Variants in MTERF4 observed in about 807,000 individuals in gnomAD.
MTERF4 encodes mitochondrial transcription termination factor 4, also known as transcription termination factor 4, mitochondrial.
Under a neutral mutation model 22.5 loss-of-function variants are expected in MTERF4, and 17 were observed. That is an observed-to-expected ratio of 0.75 (90% CI 0.52 to 1.13). The LOEUF (loss-of-function observed/expected upper bound fraction) is 1.13. Among genes scored for constraint, MTERF4 ranks in the 50% most tolerant of loss-of-function variants. The probability of loss-of-function intolerance (pLI) is 0.00; values close to 1 mark genes in which losing one functional copy is unlikely to be tolerated. For synonymous variants in MTERF4, 165 were observed against 175.3 expected, an observed-to-expected ratio of 0.94 and a Z score of 0.47; for missense variants, 420 against 466.8, an observed-to-expected ratio of 0.90 and a Z score of 0.92.
chr2:241,070,322 C>T (rs1043022771), downstream of MTERF4: 35 of 1,081,316 alleles, frequency 3.2e-5, no homozygotes, highest in African/African-American at 2.7e-4. Context: ...GAAACAGGAC[C>T]GTGTTAGCAG....
the MTERF4 span, among the ~76,000 whole-genome samples, chr2:241,047,281 GAT>G: frequency 6.6e-6 from 1 of 151,862 alleles, no homozygotes; most frequent in Non-Finnish European, 1.5e-5. Flanking sequence ...CTTTTATAAC[GAT>G]AGAGGGGTCA....
downstream of MTERF4, among the ~76,000 whole-genome samples, chr2:241,083,385 A>G (rs573669553): frequency 2.8e-5 from 3 of 106,768 alleles, no homozygotes; most frequent in South Asian, 7.8e-4. Context: ...TTTGTCCGGC[A>G]TGAAATGGGG....
chr2:241,099,283 C>T, intron 2 of MTERF4, 113 bp downstream of exon 2: 2 of 1,203,758 alleles, frequency 1.7e-6, no homozygotes, highest in Non-Finnish European at 2.3e-6. Context: ...CCATGTTGGC[C>T]AGGCTGATCT....
chr2:241,074,711 G>A (rs1575078496), exon 5 of MTERF4: 1 of 152,328 alleles, frequency 6.6e-6, no homozygotes, highest in African/African-American at 2.4e-5. Context: ...GCCCCTCGAT[G>A]CGCAAAGCCA....
the MTERF4 span, among the ~76,000 whole-genome samples, chr2:241,055,253 G>A: frequency 2.0e-5 from 3 of 152,204 alleles, no homozygotes; most frequent in Non-Finnish European, 2.9e-5. Flanking sequence ...CAGAGTTCCA[G>A]ATGAACAGCA....
the MTERF4 span, among the ~76,000 whole-genome samples, chr2:241,062,005 G>A: frequency 6.6e-6 from 1 of 152,224 alleles, no homozygotes; most frequent in Non-Finnish European, 1.5e-5. Context: ...GTGACCTACA[G>A]TGTGGAGTTC....
At chr2:241,085,654 T>A (rs576531821), downstream of MTERF4, among the ~76,000 whole-genome samples, 1 of 152,236 alleles carries the variant, frequency 6.6e-6, no homozygotes, top group Non-Finnish European at 1.5e-5. Context: ...TATAGTTTTT[T>A]ATTGGATGCT....
chr2:241,052,853 C>T, the MTERF4 span, among the ~76,000 whole-genome samples: 347 of 78,710 alleles, frequency 4.4e-3, 6 homozygotes, highest in Non-Finnish European at 8.9e-3. Flanking sequence ...GTGAGATGGC[C>T]GGGGGGCCGA....
chr2:241,074,396 C>T (rs2062915760), exon 5 of MTERF4: 1 of 152,104 alleles, frequency 6.6e-6, no homozygotes, highest in Non-Finnish European at 1.5e-5. Context: ...TCTCTTAATT[C>T]AGGTGTGGCC....
downstream of MTERF4, among the ~76,000 whole-genome samples, chr2:241,082,870 C>T (rs1559311236): frequency 6.6e-6 from 1 of 152,252 alleles, no homozygotes; most frequent in Non-Finnish European, 1.5e-5. Flanking sequence ...CTGTCGGTCA[C>T]ACAGTCCATT....
At chr2:241,049,481 A>G in the MTERF4 span, among the ~76,000 whole-genome samples, 5 of 152,358 alleles carry the variant, frequency 3.3e-5, 1 homozygote, top group Admixed American at 1.3e-4. Context: ...TAGTGTATAG[A>G]TGAGATGGTT....
At position 241,073,709 on chromosome 2, in the gene MTERF4, C is replaced by G. The variant is rs2062865004; in HGVS notation, n.2453G>C. Reference sequence around the variant, plus strand: ...CAGCCCCTGCCTCTGGGCCCCTCACCCCTCACTTCTCCAAAGAGGAGCAGG... The same window carrying G: ...CAGCCCCTGCCTCTGGGCCCCTCACGCCTCACTTCTCCAAAGAGGAGCAGG... On this transcript the variant is annotated non_coding_transcript_exon_variant, in exon 5 of 5. Coordinates refer to the MTERF4 transcript ENST00000464344. The surrounding 1 kb of genome is among the most constrained non-coding windows in gnomAD (Gnocchi z 6.6). The G allele has an allele frequency of 4.5e-6, 2 of 446,410 alleles. No individual in the cohort carries two copies. The highest frequency in any genetic ancestry group is 7.9e-6 in the Non-Finnish European group (2 of 251,872). The allele number at this position is 446,410 out of a possible 1,614,324, so 27.7% of individuals were successfully genotyped here. A position where few individuals can be genotyped will look rare whatever the true frequency, so the allele number is the denominator to read the frequency against.
chr2:241,065,240 G>A, the MTERF4 span: 25 of 1,574,234 alleles, frequency 1.6e-5, no homozygotes, highest in Admixed American at 3.4e-5. Flanking sequence ...ACGGGAGCCA[G>A]GCATGCATAG....
chr2:241,056,581 T>A, the MTERF4 span, among the ~76,000 whole-genome samples: 3 of 38,986 alleles, frequency 7.7e-5, no homozygotes, highest in Admixed American at 3.0e-4. Flanking sequence ...ATAAGTGAAA[T>A]TTTTTTTTTT....
rs1034142500 is a variant in MTERF4 at position 241,102,248 on chromosome 2, C to T, written c.21+5G>A. The T allele has an allele frequency of 4.5e-6, 7 of 1,549,364 alleles. No homozygotes were observed. Among genetic ancestry groups the T allele is most frequent in the Non-Finnish European group, 6.1e-6 (7 of 1,146,216 alleles). On this transcript the variant is annotated splice_donor_5th_base_variant and intron_variant, in intron 1 of 3. Coordinates refer to ENST00000391980, the MANE Select transcript of MTERF4 (RefSeq NM_182501.4). Reference sequence around the variant, plus strand: ...GAGAAGCCCGCGCGCCCAGCTCGAGCTTACCTGACGGCCGAACGCAGCCAT... The same window carrying T: ...GAGAAGCCCGCGCGCCCAGCTCGAGTTTACCTGACGGCCGAACGCAGCCAT...
At chr2:241,091,151 C>T (rs940998319), downstream of MTERF4, among the ~76,000 whole-genome samples, 3 of 152,076 alleles carry the variant, frequency 2.0e-5, no homozygotes, top group African/African-American at 7.3e-5. The surrounding 1 kb of genome is among the most constrained non-coding windows in gnomAD (Gnocchi z 4.1). Flanking sequence ...TTATAGAATA[C>T]CTATTCTTGA....
At chr2:241,055,860 G>C in the MTERF4 span, among the ~76,000 whole-genome samples, 2 of 152,156 alleles carry the variant, frequency 1.3e-5, no homozygotes, top group African/African-American at 2.4e-5. Flanking sequence ...ATCCTTAAGC[G>C]TTTAAAACCA....
chr2:241,068,519 G>C (rs113259079), downstream of MTERF4, among the ~76,000 whole-genome samples: 1 of 152,060 alleles, frequency 6.6e-6, no homozygotes, highest in African/African-American at 2.4e-5. The surrounding 1 kb of genome is among the most constrained non-coding windows in gnomAD (Gnocchi z 5.3). Flanking sequence ...GCTTCCTGGG[G>C]CTGGGGTGGC....
chr2:241,068,037 G>T, downstream of MTERF4: 9 of 1,213,848 alleles, frequency 7.4e-6, no homozygotes, highest in Admixed American at 2.2e-5. The surrounding 1 kb of genome is among the most constrained non-coding windows in gnomAD (Gnocchi z 5.3). Context: ...CACATTCTCC[G>T]TGTGTGGACT....
Sources: gnomAD v4.1 joint callset for allele counts (sites outside exome capture counted in the v4.1 genomes callset) on GRCh38, gnomAD v4.1.1 for gene constraint, Gnocchi (gnomAD v3.1) non-coding constraint, MANE v1.5 for transcripts, NCBI Gene and HGNC (gene_info 2026-07-23, HGNC 2026-07-21) for gene names.